The following SCN10A variants were observed in gnomAD, a reference collection of about 807,000 sequenced individuals.
The protein encoded by SCN10A is sodium channel protein type 10 subunit alpha.
A neutral mutation model predicts 170.7 loss-of-function variants in SCN10A; 162 were observed. The ratio of observed to expected loss-of-function variants is 0.95; its 90% CI spans 0.84 to 1.08. SCN10A has a LOEUF of 1.08. Among genes scored for constraint, SCN10A ranks in the 50% least tolerant of loss-of-function variants. The pLI, the probability that SCN10A is intolerant of heterozygous loss-of-function variation, is 0.00. For synonymous variants in SCN10A, 985 were observed against 904.6 expected (o/e 1.09, Z -1.59); for missense variants, 2,527 against 2,436.9 (o/e 1.04, Z -0.78).
At chr3:38,813,203 A>C (rs1575189912) in intron 1 of SCN10A, among the ~76,000 whole-genome samples, 1 of 152,208 alleles carries the variant, frequency 6.6e-6, no homozygotes, top group East Asian at 1.9e-4. Context: ...TGCCTAATGC[A>C]AGTCAAGCTC....
intron 1 of SCN10A, among the ~76,000 whole-genome samples, chr3:38,805,886 T>C (rs758107813): frequency 2.9e-4 from 44 of 152,124 alleles, no homozygotes; most frequent in Non-Finnish European, 5.7e-4. Flanking sequence ...TCAGAGATAA[T>C]AGCTAGGTAA....
At chr3:38,751,980 G>A (rs1373646263) in intron 12 of SCN10A, among the ~76,000 whole-genome samples, 2 of 152,094 alleles carry the variant, frequency 1.3e-5, no homozygotes, top group African/African-American at 4.8e-5. Context: ...GGGTCAAATG[G>A]AATATAATTT....
chr3:38,729,058 C>G (rs961870320), intron 15 of SCN10A, among the ~76,000 whole-genome samples, 157 bp from the exon 16 acceptor site: 1 of 152,198 alleles, frequency 6.6e-6, no homozygotes, highest in African/African-American at 2.4e-5. Flanking sequence ...ACCTTTCTTC[C>G]TATGCTATAA....
chr3:38,704,480 C>T (rs2063188991), intron 26 of SCN10A, among the ~76,000 whole-genome samples: 1 of 152,206 alleles, frequency 6.6e-6, no homozygotes, highest in South Asian at 2.1e-4. Context: ...AGCTTGCTAG[C>T]TGCTCTTGGA....
chr3:38,776,746 A>G (rs2064080243), intron 4 of SCN10A, among the ~76,000 whole-genome samples: 1 of 152,080 alleles, frequency 6.6e-6, no homozygotes, highest in Non-Finnish European at 1.5e-5. Context: ...CCCAGGGACA[A>G]TTGAGGAGAG....
chr3:38,790,691 C>T (rs375886082), intron 3 of SCN10A, among the ~76,000 whole-genome samples: 1 of 152,002 alleles, frequency 6.6e-6, no homozygotes, highest in African/African-American at 2.4e-5. Context: ...TACTGCTCTA[C>T]GCAGGATGCA....
intron 4 of SCN10A, among the ~76,000 whole-genome samples, chr3:38,775,981 A>C (rs1176779495): frequency 6.6e-6 from 1 of 152,098 alleles, no homozygotes; most frequent in Non-Finnish European, 1.5e-5. Flanking sequence ...TATACTGGGA[A>C]AGCCTTATTT....
intron 4 of SCN10A, among the ~76,000 whole-genome samples, chr3:38,779,846 A>T (rs927816323): frequency 1.3e-5 from 2 of 151,882 alleles, no homozygotes; most frequent in African/African-American, 4.8e-5. Context: ...TATTTTTTTT[A>T]ACTCTATTTC....
In SCN10A at chr3:38,726,928, T is replaced by C. The variant is rs1275656060; in HGVS notation, c.2765A>G (p.His922Arg). ...VALARIQVFG[H>R]RTKQALCSFF... ...GCTGCAAAGAGCCTGTTTGGTACGA[T>C]GGCCAAAGACCTGGATCCGTGCCAG... The change falls in exon 17 of 28, where the codon CAT becomes CGT. Residue 922 changes from histidine to arginine, a missense_variant. Physicochemically the swap from His to Arg is conservative, Grantham distance 29 (BLOSUM62 0). Coordinates refer to ENST00000449082, the MANE Select transcript of SCN10A (RefSeq NM_006514.4). 6.2e-7 allele frequency: 1 copy of C among 1,614,230 alleles called. No individual in the cohort carries two copies. Among genetic ancestry groups the C allele is most frequent in the Non-Finnish European group, 8.5e-7 (1 of 1,180,042 alleles).
chr3:38,761,641 A>G (rs2063873464), intron 6 of SCN10A, among the ~76,000 whole-genome samples: 2 of 152,180 alleles, frequency 1.3e-5, no homozygotes, highest in South Asian at 4.1e-4. Context: ...GAGGCTAATA[A>G]AATTCCTGAC....
chr3:38,805,683 G>A (rs1198883232), intron 1 of SCN10A, among the ~76,000 whole-genome samples: 4 of 152,168 alleles, frequency 2.6e-5, no homozygotes, highest in African/African-American at 9.7e-5. Context: ...TAAGCTGTTT[G>A]TGGTGACGAA....
chr3:38,790,955 T>G (rs1406915885), intron 3 of SCN10A, among the ~76,000 whole-genome samples: 1 of 152,044 alleles, frequency 6.6e-6, no homozygotes, highest in Non-Finnish European at 1.5e-5. Context: ...AAGAAAAAAA[T>G]GTAAAAAGAG....
intron 20 of SCN10A, among the ~76,000 whole-genome samples, chr3:38,721,946 G>A (rs1423501842): frequency 1.3e-5 from 2 of 152,204 alleles, no homozygotes; most frequent in Non-Finnish European, 2.9e-5. Context: ...CTGACAAGTT[G>A]GGTGACCTTG....
chr3:38,813,400 C>T (rs189927240), intron 1 of SCN10A, among the ~76,000 whole-genome samples: 5 of 152,222 alleles, frequency 3.3e-5, no homozygotes, highest in Admixed American at 2.0e-4. Context: ...TGAAACTCCG[C>T]GTCTCAGTTT....
At chr3:38,774,218 C>T (rs980188828) in intron 4 of SCN10A, among the ~76,000 whole-genome samples, 1 of 152,124 alleles carries the variant, frequency 6.6e-6, no homozygotes, top group Non-Finnish European at 1.5e-5. Flanking sequence ...GTTTCCCCCC[C>T]ACACTCTTTA....
intron 22 of SCN10A, 87 bp downstream of exon 22, chr3:38,713,871 G>T: frequency 2.6e-6 from 4 of 1,535,878 alleles, no homozygotes; most frequent in South Asian, 1.2e-5. Flanking sequence ...CAGGTGATCC[G>T]CCCGCCTCAG....
At chr3:38,787,048 G>C (rs1244195718) in intron 4 of SCN10A, among the ~76,000 whole-genome samples, 1 of 152,018 alleles carries the variant, frequency 6.6e-6, no homozygotes, top group Non-Finnish European at 1.5e-5. Flanking sequence ...AAAGTTTAAA[G>C]TTTGTCAAGT....
rs1211905534 is a variant in SCN10A at position 38,718,588 on chromosome 3, C to G, written c.3681+65G>C. 3 of 1,559,174 alleles carry G rather than the reference C, an allele frequency of 1.9e-6. No individual in the cohort carries two copies. In the African/African-American group the frequency reaches 4.1e-5, roughly 21 times the overall value. On this transcript the variant is annotated intron_variant, in intron 21 of 27. Coordinates refer to ENST00000449082, the MANE Select transcript of SCN10A (RefSeq NM_006514.4). ...GCCAGGTCTCTGAGCTTCCTTTGCC[C>G]TAGCTGTAGCCAGGAGTCAGAGGGG...
chr3:38,783,660 A>G (rs75165224), intron 4 of SCN10A, among the ~76,000 whole-genome samples: 1,968 of 152,232 alleles, frequency 0.013, 10 homozygotes, highest in Non-Finnish European at 0.017. Context: ...AAATGTTCAT[A>G]AACTTTCTTG....
Sources: allele counts gnomAD v4.1 joint callset (sites outside exome capture counted in the v4.1 genomes callset), GRCh38; gene constraint gnomAD v4.1.1; transcripts MANE v1.5; gene names NCBI Gene and HGNC (gene_info 2026-07-23, HGNC 2026-07-21).